The following SORCS2 variants were observed in gnomAD, a reference collection of about 807,000 sequenced individuals.
SORCS2 encodes sortilin related VPS10 domain containing receptor 2.
In SORCS2, 100 loss-of-function variants were observed where a neutral mutation model predicts 141.6. The ratio of observed to expected loss-of-function variants is 0.71; its 90% CI spans 0.60 to 0.83. The LOEUF is 0.83. Ranked by LOEUF, SORCS2 falls within the 40% of genes least tolerant of loss-of-function variation. The pLI, the probability that SORCS2 is intolerant of heterozygous loss-of-function variation, is 0.00. For synonymous variants in SORCS2, 789 were observed against 676.9 expected (o/e 1.17, Z -2.57); for missense variants, 1,646 against 1,560.2 (o/e 1.05, Z -0.93).
At chr4:7,417,777 C>T (rs886724812) in intron 2 of SORCS2, among the ~76,000 whole-genome samples, 3 of 152,190 alleles carry the variant, frequency 2.0e-5, no homozygotes, top group Admixed American at 6.5e-5. Context: ...AGAGCTGAGT[C>T]GCCCTTTTCA....
At chr4:7,259,436 C>T (rs1245285935) in intron 1 of SORCS2, among the ~76,000 whole-genome samples, 3 of 152,144 alleles carry the variant, frequency 2.0e-5, no homozygotes, top group Non-Finnish European at 4.4e-5. Flanking sequence ...ACTCGTAGGC[C>T]CAGGGTATGT....
At chr4:7,460,915 G>C (rs1729262893) in intron 2 of SORCS2, among the ~76,000 whole-genome samples, 1 of 152,074 alleles carries the variant, frequency 6.6e-6, no homozygotes, top group Non-Finnish European at 1.5e-5. Context: ...TTTTTCATGG[G>C]ACCACACTCA....
At chr4:7,555,001 T>A (rs549157270) in intron 3 of SORCS2, among the ~76,000 whole-genome samples, 4 of 152,280 alleles carry the variant, frequency 2.6e-5, no homozygotes, top group African/African-American at 9.6e-5. Flanking sequence ...GTGTCTGGAA[T>A]CAGCTGCTCA....
chr4:7,285,036 A>ATATTT (rs1553826991), intron 1 of SORCS2, among the ~76,000 whole-genome samples: 4 of 140,116 alleles, frequency 2.9e-5, no homozygotes, highest in Non-Finnish European at 4.6e-5. Flanking sequence ...ATATATATAT[A>ATATTT]TTTTTTTTTT....
intron 3 of SORCS2, among the ~76,000 whole-genome samples, chr4:7,589,040 T>TGTGC (rs1716729381): frequency 6.6e-6 from 1 of 152,178 alleles, no homozygotes; most frequent in Admixed American, 6.5e-5. Context: ...GAGCCCAGCC[T>TGTGC]ACTGGGGACA....
At chr4:7,681,581 A>T (rs887049758) in intron 9 of SORCS2, among the ~76,000 whole-genome samples, 2 of 152,220 alleles carry the variant, frequency 1.3e-5, no homozygotes, top group Non-Finnish European at 2.9e-5. Flanking sequence ...TCTGCCCTCC[A>T]GAGCTGTGGG....
intron 2 of SORCS2, among the ~76,000 whole-genome samples, chr4:7,420,423 C>T (rs1422221350): frequency 6.6e-6 from 1 of 152,132 alleles, no homozygotes; most frequent in Non-Finnish European, 1.5e-5. Flanking sequence ...GGCACAGGTC[C>T]CAGGAGAGCT....
At chr4:7,405,839 T>C (rs564941949) in intron 2 of SORCS2, among the ~76,000 whole-genome samples, 1 of 152,282 alleles carries the variant, frequency 6.6e-6, no homozygotes, top group East Asian at 1.9e-4. Flanking sequence ...TTCTTTCTCT[T>C]GGCTGATTGC....
At chr4:7,632,989 C>T (rs1347640258) in intron 3 of SORCS2, among the ~76,000 whole-genome samples, 1 of 152,128 alleles carries the variant, frequency 6.6e-6, no homozygotes, top group East Asian at 1.9e-4. Context: ...GAAGGGCATC[C>T]CATCATCAAA....
chr4:7,703,065 G>A (rs988042294), intron 12 of SORCS2, among the ~76,000 whole-genome samples: 1 of 152,222 alleles, frequency 6.6e-6, no homozygotes, highest in East Asian at 1.9e-4. Flanking sequence ...AGAAGTTGCT[G>A]TCCGCCATTC....
chr4:7,639,633 G>A (rs762352094), intron 4 of SORCS2, among the ~76,000 whole-genome samples: 1 of 151,878 alleles, frequency 6.6e-6, no homozygotes, highest in Admixed American at 6.6e-5. Context: ...GTGTGGGTGT[G>A]TGGGAGTGTG....
intron 3 of SORCS2, among the ~76,000 whole-genome samples, chr4:7,630,263 T>C (rs763819309): frequency 1.3e-5 from 2 of 152,070 alleles, no homozygotes; most frequent in Non-Finnish European, 2.9e-5. Context: ...TGAAAAAAGC[T>C]TGAATCCCAG....
intron 1 of SORCS2, among the ~76,000 whole-genome samples, chr4:7,329,286 C>T (rs1719492246): frequency 6.6e-6 from 1 of 152,334 alleles, no homozygotes; most frequent in East Asian, 1.9e-4. Context: ...GCAGCATTCA[C>T]ACTTGGCAAG....
intron 3 of SORCS2, among the ~76,000 whole-genome samples, chr4:7,559,099 T>C (rs897030162): frequency 1.2e-4 from 19 of 152,300 alleles, no homozygotes; most frequent in African/African-American, 4.6e-4. Flanking sequence ...GGCCCAGCCC[T>C]CACTTTCCCG....
intron 3 of SORCS2, among the ~76,000 whole-genome samples, chr4:7,548,016 T>G (rs1713398001): frequency 6.6e-6 from 1 of 152,212 alleles, no homozygotes; most frequent in Non-Finnish European, 1.5e-5. Context: ...TCTTCCTGAT[T>G]TCTTTCATCA....
chr4:7,313,154 T>A (rs1718303457), intron 1 of SORCS2, among the ~76,000 whole-genome samples: 1 of 152,248 alleles, frequency 6.6e-6, no homozygotes, highest in South Asian at 2.1e-4. Flanking sequence ...GCTACCTCAA[T>A]GATGGATTCC....
intron 18 of SORCS2, among the ~76,000 whole-genome samples, chr4:7,718,974 A>T (rs1355121693): frequency 1.3e-5 from 2 of 152,262 alleles, no homozygotes; most frequent in African/African-American, 4.8e-5. Flanking sequence ...AAAACCTAGA[A>T]AAACTTACAA....
At chr4:7,689,060 C>G (rs1724047274) in intron 10 of SORCS2, among the ~76,000 whole-genome samples, 1 of 152,168 alleles carries the variant, frequency 6.6e-6, no homozygotes. Context: ...TGTGCAGGCT[C>G]CAGGAATCAC....
chr4:7,453,462 G>C (rs375694636), intron 2 of SORCS2, among the ~76,000 whole-genome samples: 3 of 143,664 alleles, frequency 2.1e-5, no homozygotes, highest in African/African-American at 7.9e-5. Flanking sequence ...GTCAGGCTCC[G>C]TGTTGGGGTC....
Sources: allele counts gnomAD v4.1 joint callset (sites outside exome capture counted in the v4.1 genomes callset), GRCh38; gene constraint gnomAD v4.1.1; transcripts MANE v1.5; gene names NCBI Gene and HGNC (gene_info 2026-07-23, HGNC 2026-07-21).